FHOD3: variants seen among roughly 807,000 people sequenced by gnomAD.
The protein encoded by FHOD3 is formin homology 2 domain containing 3.
A neutral mutation model predicts 173.0 loss-of-function variants in FHOD3; 90 were observed. The observed-to-expected ratio is 0.52, with a 90% CI of 0.44 to 0.62. FHOD3 has a LOEUF of 0.62. Ranked by LOEUF, FHOD3 falls within the 20% of genes least tolerant of loss-of-function variation. FHOD3 has a pLI of 0.00. For synonymous variants in FHOD3, 828 were observed against 823.0 expected (o/e 1.01, Z -0.10); for missense variants, 1,945 against 2,034.7 (o/e 0.96, Z 0.85).
chr18:36,423,403 T>C (rs2050087582), intron 3 of FHOD3, among the ~76,000 whole-genome samples: 1 of 152,156 alleles, frequency 6.6e-6, no homozygotes, highest in African/African-American at 2.4e-5. Context: ...TGATGTCATC[T>C]CAGCATATTG....
intron 3 of FHOD3, among the ~76,000 whole-genome samples, chr18:36,382,564 G>GGTT (rs1298132671): frequency 1.3e-5 from 2 of 152,160 alleles, no homozygotes; most frequent in African/African-American, 2.4e-5. Context: ...TCAACTAGAA[G>GGTT]GTCAGAGGCA....
intron 19 of FHOD3, among the ~76,000 whole-genome samples, chr18:36,726,943 G>A (rs993937600): frequency 2.0e-5 from 3 of 152,324 alleles, no homozygotes; most frequent in East Asian, 3.9e-4. Context: ...AAAGTGCTGG[G>A]ATTACAGGCT....
At chr18:36,568,826 G>T (rs552060501) in intron 5 of FHOD3, among the ~76,000 whole-genome samples, 1 of 152,104 alleles carries the variant, frequency 6.6e-6, no homozygotes, top group African/African-American at 2.4e-5. Context: ...TACTTGGCGC[G>T]CAATGAACTA....
chr18:36,467,374 A>G (rs1412136197), intron 3 of FHOD3, among the ~76,000 whole-genome samples: 3 of 152,186 alleles, frequency 2.0e-5, no homozygotes, highest in Admixed American at 1.3e-4. Flanking sequence ...CTCTCCTTCC[A>G]ACCCTGTATT....
At chr18:36,399,449 T>C (rs975791284) in intron 3 of FHOD3, among the ~76,000 whole-genome samples, 5 of 152,210 alleles carry the variant, frequency 3.3e-5, no homozygotes, top group Non-Finnish European at 7.3e-5. Context: ...AGATGTTATA[T>C]GTGTCTTTTG....
At chr18:36,610,223 T>C (rs2032531800) in intron 8 of FHOD3, among the ~76,000 whole-genome samples, 1 of 152,216 alleles carries the variant, frequency 6.6e-6, no homozygotes, top group Admixed American at 6.5e-5. Context: ...TTTTGCAGAG[T>C]CAGCTGGCAG....
At chr18:36,647,361 A>G (rs2035762094) in intron 10 of FHOD3, among the ~76,000 whole-genome samples, 1 of 152,218 alleles carries the variant, frequency 6.6e-6, no homozygotes, top group Admixed American at 6.5e-5. Context: ...AGTGTGCCCA[A>G]CTTCATTAGT....
intron 16 of FHOD3, 188 bp from the exon 17 acceptor site, chr18:36,693,021 T>C: frequency 1.6e-6 from 1 of 617,986 alleles, no homozygotes; most frequent in Non-Finnish European, 2.9e-6. Context: ...ATGAGTGACG[T>C]GGGATTTTTA....
chr18:36,694,904 C>T (rs1055315976), intron 17 of FHOD3, among the ~76,000 whole-genome samples: 1 of 151,942 alleles, frequency 6.6e-6, no homozygotes, highest in Non-Finnish European at 1.5e-5. Context: ...AACTCGAGAC[C>T]ATTCTAGCCA....
At chr18:36,443,711 T>C (rs2051286070) in intron 3 of FHOD3, among the ~76,000 whole-genome samples, 1 of 152,194 alleles carries the variant, frequency 6.6e-6, no homozygotes, top group African/African-American at 2.4e-5. Flanking sequence ...CCTCCTGAGA[T>C]CACGGAGCTA....
At chr18:36,405,705 C>T (rs2146763737) in intron 3 of FHOD3, among the ~76,000 whole-genome samples, 1 of 152,334 alleles carries the variant, frequency 6.6e-6, no homozygotes, top group Middle Eastern at 3.4e-3. Flanking sequence ...TCCCAAAGAG[C>T]TAGCTGTGAG....
chr18:36,582,091 G>A (rs989084184), intron 6 of FHOD3, among the ~76,000 whole-genome samples: 14 of 152,368 alleles, frequency 9.2e-5, no homozygotes, highest in African/African-American at 3.1e-4. Flanking sequence ...GGCAGTAGAA[G>A]AGTTGGACAT....
intron 24 of FHOD3, among the ~76,000 whole-genome samples, chr18:36,753,266 G>A (rs533804887): frequency 6.6e-6 from 1 of 152,274 alleles, no homozygotes; most frequent in African/African-American, 2.4e-5. Flanking sequence ...TCCCTCCAGG[G>A]CTCCTGCACA....
At chr18:36,592,381 C>T (rs2059251712) in intron 6 of FHOD3, among the ~76,000 whole-genome samples, 1 of 152,198 alleles carries the variant, frequency 6.6e-6, no homozygotes, top group African/African-American at 2.4e-5. Flanking sequence ...AAGGAATAAC[C>T]AGTGAGAAGA....
chr18:36,369,498 C>CACACACACACAG (rs1555682884), intron 2 of FHOD3, among the ~76,000 whole-genome samples: 1 of 95,990 alleles, frequency 1.0e-5, no homozygotes. Context: ...CACACACACA[C>CACACACACACAG]ATATATATAG....
intron 3 of FHOD3, among the ~76,000 whole-genome samples, chr18:36,480,914 C>T (rs1434403829): frequency 4.0e-5 from 6 of 148,160 alleles, no homozygotes; most frequent in Admixed American, 2.0e-4. Context: ...GCACTTCCTT[C>T]TTCATGGCAT....
chr18:36,309,274 G>C (rs561295148), intron 1 of FHOD3, among the ~76,000 whole-genome samples: 1 of 152,124 alleles, frequency 6.6e-6, no homozygotes, highest in African/African-American at 2.4e-5. Context: ...GGGGAAGAGC[G>C]TTGTGAGCTT....
chr18:36,452,764 A>G (rs1003384621), intron 3 of FHOD3, among the ~76,000 whole-genome samples: 10 of 152,114 alleles, frequency 6.6e-5, no homozygotes, highest in Non-Finnish European at 1.5e-4. Flanking sequence ...GTTGTTGCAT[A>G]TAGCAGGATT....
intron 1 of FHOD3, among the ~76,000 whole-genome samples, chr18:36,306,688 T>A (rs1391173875): frequency 6.6e-6 from 1 of 152,124 alleles, no homozygotes; most frequent in Non-Finnish European, 1.5e-5. Context: ...TTTTGTTTTG[T>A]TTTTGTTTTT....
Sources: gnomAD v4.1 joint callset for allele counts (sites outside exome capture counted in the v4.1 genomes callset) on GRCh38, gnomAD v4.1.1 for gene constraint, MANE v1.5 for transcripts, NCBI Gene and HGNC (gene_info 2026-07-23, HGNC 2026-07-21) for gene names.